The following RAB30 variants were observed in gnomAD, a reference collection of about 807,000 sequenced individuals.
RAB30 encodes the protein ras-related protein Rab-30.
A neutral mutation model predicts 25.1 loss-of-function variants in RAB30; 9 were observed. The ratio of observed to expected loss-of-function variants is 0.36; its 90% confidence interval spans 0.22 to 0.63. The LOEUF (loss-of-function observed/expected upper bound fraction) is 0.63. Ranked by LOEUF, RAB30 falls within the 20% of genes least tolerant of loss-of-function variation. RAB30 has a pLI of 0.69. For synonymous variants in RAB30, 77 were observed against 86.4 expected (o/e 0.89, Z 0.60); for missense variants, 140 against 243.5 (o/e 0.58, Z 2.83).
intron 1 of RAB30, among the ~76,000 whole-genome samples, chr11:83,009,220 C>T (rs931067638): frequency 2.6e-5 from 4 of 152,080 alleles, no homozygotes; most frequent in Non-Finnish European, 5.9e-5. Flanking sequence ...CACCCGCCAC[C>T]ATGCCTGGCT....
chr11:83,061,943 A>C (rs1858592838), intron 1 of RAB30, among the ~76,000 whole-genome samples: 1 of 152,010 alleles, frequency 6.6e-6, no homozygotes, highest in African/African-American at 2.4e-5. Context: ...CACCCAGTAG[A>C]TGCTATGACA....
chr11:83,019,826 G>C (rs756678580), intron 1 of RAB30, among the ~76,000 whole-genome samples: 23 of 152,214 alleles, frequency 1.5e-4, no homozygotes, highest in Non-Finnish European at 2.5e-4. Context: ...AGATAGATTT[G>C]GGTTAAAATT....
At chr11:83,070,852 C>T (rs1858823357) in intron 1 of RAB30, among the ~76,000 whole-genome samples, 1 of 152,224 alleles carries the variant, frequency 6.6e-6, no homozygotes. Context: ...CCCCTCTTCC[C>T]TAATCGATCT....
intron 1 of RAB30, among the ~76,000 whole-genome samples, chr11:83,061,872 A>G (rs1396614482): frequency 2.0e-5 from 3 of 151,162 alleles, no homozygotes; most frequent in Admixed American, 2.0e-4. Flanking sequence ...AATTGCTCTA[A>G]AGGTTTGAAA....
At chr11:83,017,410 G>A (rs941285763) in intron 1 of RAB30, among the ~76,000 whole-genome samples, 1 of 151,762 alleles carries the variant, frequency 6.6e-6, no homozygotes, top group Admixed American at 6.6e-5. Context: ...ATAGTTTTTG[G>A]GGAACAGGTG....
At chr11:83,059,102 C>T (rs1858512521) in intron 1 of RAB30, among the ~76,000 whole-genome samples, 1 of 152,174 alleles carries the variant, frequency 6.6e-6, no homozygotes, top group African/African-American at 2.4e-5. Context: ...GACACCATGC[C>T]TGGCTAATTT....
intron 1 of RAB30, among the ~76,000 whole-genome samples, chr11:83,051,132 A>C (rs1216496370): frequency 1.3e-5 from 2 of 152,206 alleles, no homozygotes; most frequent in African/African-American, 4.8e-5. Context: ...TGGCCCATGG[A>C]ATCCTTCCAT....
chr11:83,039,833 C>T (rs1457585094), intron 1 of RAB30, among the ~76,000 whole-genome samples: 3 of 152,058 alleles, frequency 2.0e-5, no homozygotes, highest in Non-Finnish European at 4.4e-5. Context: ...AAATGGCCGA[C>T]TTAATAAGTA....
At chr11:82,986,260 T>C (rs529880672) in intron 4 of RAB30, among the ~76,000 whole-genome samples, 3 of 152,260 alleles carry the variant, frequency 2.0e-5, no homozygotes, top group South Asian at 4.1e-4. Flanking sequence ...GAAAATAAGA[T>C]TGGTCATGAG....
intron 3 of RAB30, among the ~76,000 whole-genome samples, chr11:82,991,275 CAGA>C (rs996086685): frequency 2.0e-5 from 3 of 151,994 alleles, no homozygotes; most frequent in African/African-American, 7.3e-5. Context: ...GAGGCTGAGG[CAGA>C]AGGATTACTT....
chr11:83,056,163 C>CTGTT (rs1858455655), intron 1 of RAB30, among the ~76,000 whole-genome samples: 1 of 152,204 alleles, frequency 6.6e-6, no homozygotes. Flanking sequence ...TCTACACCCA[C>CTGTT]TAAACAGCTT....
chr11:83,039,610 T>C (rs1407606714), intron 1 of RAB30, among the ~76,000 whole-genome samples: 1 of 152,044 alleles, frequency 6.6e-6, no homozygotes, highest in Non-Finnish European at 1.5e-5. Context: ...GCCTGGAATG[T>C]TGAGGCTTCA....
At chr11:83,007,224 T>C (rs74951499) in intron 1 of RAB30, among the ~76,000 whole-genome samples, 5,748 of 152,232 alleles carry the variant, frequency 0.038, 158 homozygotes, top group East Asian at 0.11. Context: ...TAAATCTCCA[T>C]TGGGCAAGGC....
intron 1 of RAB30, among the ~76,000 whole-genome samples, chr11:83,006,002 A>C (rs1446224960): frequency 6.6e-6 from 1 of 152,082 alleles, no homozygotes; most frequent in African/African-American, 2.4e-5. Flanking sequence ...ACTATAGTAA[A>C]TTTATACTTA....
intron 1 of RAB30, among the ~76,000 whole-genome samples, chr11:83,022,574 A>G (rs1257465372): frequency 6.6e-6 from 1 of 152,184 alleles, no homozygotes; most frequent in Non-Finnish European, 1.5e-5. Context: ...TTACTTTAGT[A>G]TTTTTATTAG....
At chr11:83,048,350 T>C (rs191579712) in intron 1 of RAB30, among the ~76,000 whole-genome samples, 1 of 151,994 alleles carries the variant, frequency 6.6e-6, no homozygotes, top group East Asian at 1.9e-4. Flanking sequence ...CACATGCCTG[T>C]AGTCCCAGCT....
intron 1 of RAB30, among the ~76,000 whole-genome samples, chr11:83,016,632 G>A (rs1163984481): frequency 6.6e-6 from 1 of 152,220 alleles, no homozygotes; most frequent in African/African-American, 2.4e-5. Context: ...TTGGTAGGCA[G>A]TGAAGCCAGG....
intron 1 of RAB30, among the ~76,000 whole-genome samples, chr11:83,059,090 A>G (rs1858512149): frequency 6.6e-6 from 1 of 152,132 alleles, no homozygotes; most frequent in Admixed American, 6.5e-5. Context: ...CTACAGGCAC[A>G]TGACACCATG....
intron 4 of RAB30, among the ~76,000 whole-genome samples, chr11:82,983,237 G>A (rs190384837): frequency 5.9e-4 from 90 of 152,218 alleles, no homozygotes; most frequent in African/African-American, 2.0e-3. Context: ...CAGGGTTGAG[G>A]TGAAAGGAAT....
Sources: gnomAD v4.1 joint callset for allele counts (sites outside exome capture counted in the v4.1 genomes callset) on GRCh38, gnomAD v4.1.1 for gene constraint, MANE v1.5 for transcripts, NCBI Gene and HGNC (gene_info 2026-07-23, HGNC 2026-07-21) for gene names.